TAFA2: variants seen among roughly 807,000 people sequenced by gnomAD.
TAFA2 encodes TAFA chemokine like family member 2.
TAFA2 carries 7 observed loss-of-function variants against 18.8 expected under a neutral mutation model. The ratio of observed to expected loss-of-function variants is 0.37; its 90% CI spans 0.21 to 0.70. TAFA2 has a LOEUF of 0.70. TAFA2 is among the 30% of genes least tolerant of loss of function. The pLI is 0.53. For synonymous variants in TAFA2, 60 were observed against 54.2 expected (o/e 1.11, Z -0.47); for missense variants, 122 against 158.1 (o/e 0.77, Z 1.23).
chr12:61,766,542 A>G (rs546940818), intron 2 of TAFA2, among the ~76,000 whole-genome samples: 1 of 152,200 alleles, frequency 6.6e-6, no homozygotes, highest in Non-Finnish European at 1.5e-5. Flanking sequence ...GCTCTGATTA[A>G]CAATTTCTTA....
At chr12:62,061,378 G>A (rs1052058401) in intron 1 of TAFA2, among the ~76,000 whole-genome samples, 1 of 152,146 alleles carries the variant, frequency 6.6e-6, no homozygotes, top group Admixed American at 6.5e-5. Flanking sequence ...GTAACATGAT[G>A]TACATGTGTG....
chr12:62,175,244 G>A (rs965106423), intron 1 of TAFA2, among the ~76,000 whole-genome samples: 1 of 152,138 alleles, frequency 6.6e-6, no homozygotes, highest in Non-Finnish European at 1.5e-5. Flanking sequence ...ATTACATGCA[G>A]TGGGAACATC....
chr12:61,942,458 A>AT (rs1178409561), intron 1 of TAFA2, among the ~76,000 whole-genome samples: 1 of 150,398 alleles, frequency 6.6e-6, no homozygotes, highest in Non-Finnish European at 1.5e-5. Context: ...ATGGAGAATG[A>AT]TTTTGACGAG....
At chr12:61,896,660 T>C (rs1875859270) in intron 1 of TAFA2, among the ~76,000 whole-genome samples, 1 of 152,220 alleles carries the variant, frequency 6.6e-6, no homozygotes, top group South Asian at 2.1e-4. Flanking sequence ...TTTTGGCAGA[T>C]GATTTATTTG....
chr12:62,103,355 C>A (rs1274992207), intron 1 of TAFA2, among the ~76,000 whole-genome samples: 1 of 152,182 alleles, frequency 6.6e-6, no homozygotes, highest in African/African-American at 2.4e-5. Flanking sequence ...CTTACCCCAT[C>A]AGAACCAGCA....
At chr12:61,782,556 C>G (rs1258634082) in intron 2 of TAFA2, among the ~76,000 whole-genome samples, 1 of 151,658 alleles carries the variant, frequency 6.6e-6, no homozygotes, top group East Asian at 2.0e-4. Context: ...CAAAACCAAG[C>G]TGCACCCTGT....
At chr12:61,710,535 A>C (rs1410789871) in intron 4 of TAFA2, 118 bp from the exon 5 acceptor site, 7 of 745,098 alleles carry the variant, frequency 9.4e-6, no homozygotes, top group Non-Finnish European at 1.6e-5. Context: ...TATCAAATGC[A>C]TTACTTAATT....
In TAFA2 at chr12:62,047,900, T is replaced by C. The variant is rs544246349; in HGVS notation, c.-2+143359A>G. Among the ~76,000 whole-genome samples, 255 of 152,320 alleles carry C rather than the reference T, an allele frequency of 1.7e-3. 1 individual carries two copies. The highest frequency in any genetic ancestry group is 3.4e-3 in the Middle Eastern group (1 of 294). ...ATAGAACCTCTTCACAAGTTCTAGA[T>C]GTGTAGGTCTTCAAAATATCACAAG... On this transcript the variant is annotated intron_variant, in intron 1 of 4. Transcript: ENST00000416284.
At chr12:61,947,654 A>G (rs1420747368) in intron 1 of TAFA2, among the ~76,000 whole-genome samples, 1 of 152,064 alleles carries the variant, frequency 6.6e-6, no homozygotes, top group Non-Finnish European at 1.5e-5. Context: ...CCATCCTTTC[A>G]AAGTTCTACT....
chr12:61,713,741 A>G (rs1869520325), intron 4 of TAFA2, among the ~76,000 whole-genome samples: 1 of 152,154 alleles, frequency 6.6e-6, no homozygotes. Context: ...TCAACCTTTT[A>G]TGATTTGTAT....
At chr12:61,784,451 C>T (rs931168054) in intron 2 of TAFA2, among the ~76,000 whole-genome samples, 1 of 151,492 alleles carries the variant, frequency 6.6e-6, no homozygotes, top group African/African-American at 2.4e-5. Flanking sequence ...GAGCACAGCC[C>T]TCTTCTGCTT....
chr12:61,956,981 A>G (rs1878718038), intron 1 of TAFA2, among the ~76,000 whole-genome samples: 1 of 152,148 alleles, frequency 6.6e-6, no homozygotes, highest in Admixed American at 6.6e-5. Context: ...ATGACTTTAT[A>G]ACTATTGGCT....
intron 4 of TAFA2, among the ~76,000 whole-genome samples, chr12:61,726,544 T>C (rs1346003466): frequency 6.6e-6 from 1 of 152,108 alleles, no homozygotes; most frequent in Non-Finnish European, 1.5e-5. Flanking sequence ...TTGGTCACTA[T>C]TGGTGTATAG....
In TAFA2 at chr12:61,927,305, C is replaced by T. The variant is rs376521091; in HGVS notation, c.-1-59879G>A. Among the ~76,000 whole-genome samples the T allele has an allele frequency of 2.6e-5, 4 of 152,230 alleles. No individual in the cohort carries two copies. In the East Asian group the frequency reaches 7.7e-4, roughly 29 times the overall value. On this transcript the variant is annotated intron_variant, in intron 1 of 4. Coordinates refer to ENST00000416284, the MANE Select transcript of TAFA2 (RefSeq NM_178539.5). Reference sequence around the variant, plus strand: ...AAAATCGCCTTAAGCTGATAAGCAACTTCAGCAAAGTCTCAGGATACAAAA... The same window carrying T: ...AAAATCGCCTTAAGCTGATAAGCAATTTCAGCAAAGTCTCAGGATACAAAA...
At chr12:62,058,804 T>A (rs1229976289) in intron 1 of TAFA2, among the ~76,000 whole-genome samples, 1 of 152,014 alleles carries the variant, frequency 6.6e-6, no homozygotes, top group Non-Finnish European at 1.5e-5. Flanking sequence ...CTAAAGAAAT[T>A]TTAAAAAATA....
intron 2 of TAFA2, among the ~76,000 whole-genome samples, chr12:61,758,042 G>C (rs1869359033): frequency 6.6e-6 from 1 of 151,998 alleles, no homozygotes; most frequent in Non-Finnish European, 1.5e-5. Flanking sequence ...AATGAGTCAT[G>C]TATAAAGTGT....
chr12:62,023,196 T>C (rs894507638), intron 1 of TAFA2, among the ~76,000 whole-genome samples: 6 of 152,054 alleles, frequency 3.9e-5, no homozygotes, highest in African/African-American at 9.7e-5. Context: ...GAAATAACAA[T>C]GGATTGTTAC....
intron 1 of TAFA2, among the ~76,000 whole-genome samples, chr12:62,162,061 G>A (rs551686957): frequency 2.6e-5 from 4 of 152,298 alleles, no homozygotes; most frequent in Middle Eastern, 3.4e-3. Flanking sequence ...TCTTTGAAAT[G>A]TATGTAAATC....
At chr12:61,947,737 G>A (rs1468349390) in intron 1 of TAFA2, among the ~76,000 whole-genome samples, 8 of 152,134 alleles carry the variant, frequency 5.3e-5, no homozygotes, top group Admixed American at 5.2e-4. Context: ...TCCTCGATAT[G>A]TAAGTGATAG....
Sources: gnomAD v4.1 joint callset for allele counts (sites outside exome capture counted in the v4.1 genomes callset) on GRCh38, gnomAD v4.1.1 for gene constraint, MANE v1.5 for transcripts, NCBI Gene and HGNC (gene_info 2026-07-23, HGNC 2026-07-21) for gene names.